TENM3: variants seen among roughly 807,000 people sequenced by gnomAD.
TENM3 encodes the protein teneurin-3.
Under a neutral mutation model 255.1 loss-of-function variants are expected in TENM3, and 63 were observed. The observed-to-expected ratio is 0.25, with a 90% confidence interval of 0.20 to 0.30. The LOEUF is 0.30. Among genes scored for constraint, TENM3 ranks in the 10% least tolerant of loss-of-function variants. TENM3 has a pLI of 1.00. For missense variants in TENM3, 2,929 were observed against 3,461.1 expected (o/e 0.85, Z 3.86); for synonymous variants, 1,306 against 1,322.3 (o/e 0.99, Z 0.27).
intron 4 of TENM3, among the ~76,000 whole-genome samples, chr4:182,602,258 G>A (rs780684220): frequency 2.0e-5 from 3 of 152,184 alleles, no homozygotes; most frequent in African/African-American, 7.2e-5. Context: ...TTTCCGTTAG[G>A]CTTGGAGAAA....
intron 1 of TENM3, among the ~76,000 whole-genome samples, chr4:182,155,727 AT>A (rs1223174816): frequency 2.0e-5 from 3 of 152,170 alleles, no homozygotes; most frequent in Admixed American, 6.5e-5. Flanking sequence ...TTTTAGGTAA[AT>A]AATATACAAA....
At chr4:182,662,256 C>T (rs1469513211) in intron 6 of TENM3, among the ~76,000 whole-genome samples, 1 of 152,028 alleles carries the variant, frequency 6.6e-6, no homozygotes, top group African/African-American at 2.4e-5. Flanking sequence ...TATTTTAAGA[C>T]ATTAAGACTG....
chr4:181,672,920 C>G, the TENM3 span, among the ~76,000 whole-genome samples: 3 of 152,120 alleles, frequency 2.0e-5, no homozygotes, highest in East Asian at 5.8e-4. Context: ...GGACTGATGC[C>G]CTCTCTTTCT....
At chr4:182,365,562 C>T (rs56115641) in intron 3 of TENM3, among the ~76,000 whole-genome samples, 4,000 of 152,272 alleles carry the variant, frequency 0.026, 125 homozygotes, top group African/African-American at 0.07. Context: ...AGAAGTTCTG[C>T]ATTTACTGCA....
chr4:181,734,498 A>T, the TENM3 span, among the ~76,000 whole-genome samples: 1 of 152,152 alleles, frequency 6.6e-6, no homozygotes, highest in East Asian at 1.9e-4. Context: ...TGGGTTTGGC[A>T]TTAAACATAT....
intron 1 of TENM3, among the ~76,000 whole-genome samples, chr4:182,287,754 C>T (rs1443010681): frequency 1.3e-5 from 2 of 151,624 alleles, no homozygotes; most frequent in Non-Finnish European, 2.9e-5. Context: ...GCTGGGACTA[C>T]AGGCGCCCTC....
At chr4:182,546,985 C>A (rs1042123693) in intron 3 of TENM3, among the ~76,000 whole-genome samples, 1 of 152,088 alleles carries the variant, frequency 6.6e-6, no homozygotes, top group African/African-American at 2.4e-5. Context: ...CTGGATTAAT[C>A]CTGTTTTCTA....
chr4:181,667,523 A>G, the TENM3 span, among the ~76,000 whole-genome samples: 1 of 152,094 alleles, frequency 6.6e-6, no homozygotes, highest in African/African-American at 2.4e-5. Context: ...TCTGCCCTCA[A>G]GTTGGATTAA....
At chr4:182,587,960 A>C (rs534472832) in intron 3 of TENM3, among the ~76,000 whole-genome samples, 1 of 152,036 alleles carries the variant, frequency 6.6e-6, no homozygotes, top group South Asian at 2.1e-4. Flanking sequence ...TTATGACTTG[A>C]GTTAATACAG....
chr4:182,740,792 A>G (rs1232541240), intron 18 of TENM3, among the ~76,000 whole-genome samples: 3 of 152,234 alleles, frequency 2.0e-5, no homozygotes, highest in African/African-American at 7.2e-5. Flanking sequence ...AACCAGAATA[A>G]CATATGGGTA....
At chr4:181,724,746 T>C in the TENM3 span, among the ~76,000 whole-genome samples, 2 of 152,188 alleles carry the variant, frequency 1.3e-5, no homozygotes, top group Non-Finnish European at 2.9e-5. Context: ...ATTCTACTCA[T>C]TTAAGGAAGG....
In TENM3 at chr4:182,544,592, G is replaced by T. The variant is rs553067377; in HGVS notation, c.512-56332G>T. The stretch of plus-strand genomic sequence containing the variant: ...GTGAGGATTACAGGTGGGAGCCACC[G>T]CGCCCGGCCTGCATTGTGGATTTTT... On this transcript the variant is annotated intron_variant, in intron 3 of 27. Coordinates refer to ENST00000511685, the MANE Select transcript of TENM3 (RefSeq NM_001080477.4). Among the ~76,000 whole-genome samples, 8 of 152,042 alleles carry T rather than the reference G, an allele frequency of 5.3e-5. 1 individual carries two copies. The South Asian group carries it at 1.7e-3, about 32-fold the overall frequency.
intron 3 of TENM3, among the ~76,000 whole-genome samples, chr4:182,442,797 T>C (rs2151266805): frequency 6.6e-6 from 1 of 151,462 alleles, no homozygotes; most frequent in East Asian, 2.0e-4. Context: ...TGTGTGTGTG[T>C]GTGTGTGTAT....
At chr4:181,902,101 G>A in the TENM3 span, among the ~76,000 whole-genome samples, 11 of 108,912 alleles carry the variant, frequency 1.0e-4, no homozygotes, top group East Asian at 1.4e-3. Context: ...AGGTAAATGC[G>A]TGTGCATGTG....
the TENM3 span, among the ~76,000 whole-genome samples, chr4:181,836,055 A>G: frequency 6.6e-6 from 1 of 152,048 alleles, no homozygotes; most frequent in Non-Finnish European, 1.5e-5. Flanking sequence ...CCTAAGTCCT[A>G]TGGGTACTAC....
the TENM3 span, among the ~76,000 whole-genome samples, chr4:181,856,323 C>T: frequency 6.6e-6 from 1 of 152,084 alleles, no homozygotes; most frequent in Admixed American, 6.5e-5. Context: ...ATGCCAAGAC[C>T]TATAAATCTA....
chr4:182,209,021 T>G (rs1282555740), intron 1 of TENM3, among the ~76,000 whole-genome samples: 1 of 149,706 alleles, frequency 6.7e-6, no homozygotes, highest in Non-Finnish European at 1.5e-5. Context: ...CAGGCTGGAG[T>G]GCGGTGGCAC....
At chr4:182,021,833 A>G in the TENM3 span, among the ~76,000 whole-genome samples, 1 of 152,226 alleles carries the variant, frequency 6.6e-6, no homozygotes, top group Non-Finnish European at 1.5e-5. Flanking sequence ...TATTGAAAAA[A>G]GCATGTATCA....
intron 24 of TENM3, among the ~76,000 whole-genome samples, chr4:182,775,791 A>C (rs1764641863): frequency 6.6e-6 from 1 of 152,130 alleles, no homozygotes; most frequent in Non-Finnish European, 1.5e-5. Flanking sequence ...GGGTTCAAAA[A>C]ATTATGGGTT....
Sources: allele counts gnomAD v4.1 joint callset (sites outside exome capture counted in the v4.1 genomes callset), GRCh38; gene constraint gnomAD v4.1.1; transcripts MANE v1.5; gene names NCBI Gene and HGNC (gene_info 2026-07-23, HGNC 2026-07-21).